SNTA1: variants seen among roughly 807,000 people sequenced by gnomAD.
The protein encoded by SNTA1 is alpha-1-syntrophin.
A neutral mutation model predicts 47.1 loss-of-function variants in SNTA1; 31 were observed. The observed-to-expected ratio is 0.66, with a 90% confidence interval of 0.49 to 0.89. The LOEUF (loss-of-function observed/expected upper bound fraction) is 0.89. SNTA1 is among the 40% of genes least tolerant of loss of function. The pLI is 0.00. For missense variants in SNTA1, 575 were observed against 693.0 expected, an observed-to-expected ratio of 0.83 and a Z score of 1.91; for synonymous variants, 300 against 313.6, an observed-to-expected ratio of 0.96 and a Z score of 0.46.
chr20:33,443,579 C>T lies in SNTA1; in HGVS notation c.42G>A (p.Glu14=), dbSNP rs1419918481. Residue 14 remains glutamate (E), a synonymous_variant, in exon 1 of 8, where the codon GAG becomes GAA. Coordinates refer to ENST00000217381, the MANE Select transcript of SNTA1 (RefSeq NM_003098.3). The part of the protein sequence containing the change: ...GRRAPRTGLL[E]LRAGAGSGAG... Reference sequence around the variant, plus strand: ...CCCCCGAGCCCGCCCCGGCGCGCAGCTCCAGCAGCCCGGTGCGCGGGGCGC... The same window carrying T: ...CCCCCGAGCCCGCCCCGGCGCGCAGTTCCAGCAGCCCGGTGCGCGGGGCGC... 3.1e-6 allele frequency: 4 copies of T among 1,306,558 alleles called. No homozygotes were observed. In the African/African-American group the frequency reaches 6.2e-5, roughly 20 times the overall value. The allele number at this position is 1,306,558 out of a possible 1,614,324, so 80.9% of individuals were successfully genotyped here.
chr20:33,441,710 C>T (rs534165187), intron 1 of SNTA1, among the ~76,000 whole-genome samples: 1 of 152,258 alleles, frequency 6.6e-6, no homozygotes, highest in East Asian at 1.9e-4. Context: ...TAAAAGTACC[C>T]TCCCCTCCAC....
At chr20:33,429,334 TAAAAAAAAAA>T (rs35077145) in intron 2 of SNTA1, among the ~76,000 whole-genome samples, 2 of 25,110 alleles carry the variant, frequency 8.0e-5, no homozygotes, top group East Asian at 1.2e-3. Context: ...AGACTCCACC[TAAAAAAAAAA>T]AAAAAAAAAA....
chr20:33,433,680 G>GCCTGGCCTTCAAGGGCCCAGGCTGGC (rs1990366263), intron 2 of SNTA1, among the ~76,000 whole-genome samples: 1 of 152,184 alleles, frequency 6.6e-6, no homozygotes, highest in Non-Finnish European at 1.5e-5. Context: ...CTTCCCCCAG[G>GCCTGGCCTTCAAGGGCCCAGGCTGGC]CCTGGCCTTC....
At chr20:33,420,263 A>C (rs1989987757) in intron 2 of SNTA1, among the ~76,000 whole-genome samples, 1 of 152,118 alleles carries the variant, frequency 6.6e-6, no homozygotes, top group Non-Finnish European at 1.5e-5. Flanking sequence ...CACATTGAGG[A>C]TGGTGAAGCA....
At chr20:33,437,918 A>G (rs1990481168) in intron 2 of SNTA1, among the ~76,000 whole-genome samples, 1 of 152,260 alleles carries the variant, frequency 6.6e-6, no homozygotes, top group Non-Finnish European at 1.5e-5. Flanking sequence ...CCACACTGTG[A>G]GGGAACAGTG....
intron 2 of SNTA1, among the ~76,000 whole-genome samples, chr20:33,422,877 C>G (rs748983529): frequency 6.6e-6 from 1 of 152,040 alleles, no homozygotes; most frequent in Non-Finnish European, 1.5e-5. Flanking sequence ...GGAGACAGGC[C>G]CAGCTCAGAG....
At position 33,417,694 on chromosome 20, in the gene SNTA1, G is replaced by C. The variant is rs200631817; in HGVS notation, c.701+25C>G. 3 of 1,570,934 alleles carry C rather than the reference G, an allele frequency of 1.9e-6. No homozygotes were observed. In the African/African-American group the frequency reaches 4.0e-5, roughly 21 times the overall value. On this transcript the variant is annotated intron_variant, in intron 3 of 7. Coordinates refer to ENST00000217381, the MANE Select transcript of SNTA1 (RefSeq NM_003098.3). ...CTGACGCCAGGGCATCTGTCCATCT[G>C]AGTTGCTCCCAACCCCAGCCTTACC...
chr20:33,434,701 CTTT>C (rs763355692), intron 2 of SNTA1, among the ~76,000 whole-genome samples: 2 of 145,110 alleles, frequency 1.4e-5, no homozygotes, highest in Non-Finnish European at 3.0e-5. Context: ...CGCTTACACT[CTTT>C]TTTTTTTTTT....
intron 2 of SNTA1, among the ~76,000 whole-genome samples, chr20:33,436,772 C>A (rs527279395): frequency 4.0e-5 from 6 of 151,426 alleles, no homozygotes; most frequent in East Asian, 3.9e-4. Flanking sequence ...ACCAGCCTGG[C>A]CAATATGGTG....
intron 2 of SNTA1, among the ~76,000 whole-genome samples, chr20:33,419,690 A>T (rs923313428): frequency 6.6e-6 from 1 of 152,108 alleles, no homozygotes; most frequent in Admixed American, 6.6e-5. Flanking sequence ...TGCTAAGAGA[A>T]CCCTGAGCCC....
intron 5 of SNTA1, 121 bp from the exon 6 acceptor site, chr20:33,410,452 G>T: frequency 1.5e-6 from 1 of 667,926 alleles, no homozygotes; most frequent in Non-Finnish European, 2.6e-6. Flanking sequence ...AACAGGACAG[G>T]ACTTGCCAGG....
At chr20:33,433,385 C>G (rs1990360434) in intron 2 of SNTA1, among the ~76,000 whole-genome samples, 1 of 151,758 alleles carries the variant, frequency 6.6e-6, no homozygotes, top group South Asian at 2.1e-4. Flanking sequence ...CTACCTCAGC[C>G]TCCCGAGTAG....
intron 5 of SNTA1, among the ~76,000 whole-genome samples, chr20:33,411,135 T>A (rs1568747399): frequency 1.3e-5 from 2 of 151,852 alleles, no homozygotes; most frequent in African/African-American, 2.4e-5. Flanking sequence ...TGTTCCTCCC[T>A]CCACCCACTC....
intron 2 of SNTA1, among the ~76,000 whole-genome samples, chr20:33,430,568 ACCCAG>A (rs1990281187): frequency 6.6e-6 from 1 of 151,356 alleles, no homozygotes; most frequent in South Asian, 2.1e-4. Context: ...GAGCCACCGC[ACCCAG>A]CCATAGTATC....
chr20:33,432,868 A>G (rs2146798764), intron 2 of SNTA1, among the ~76,000 whole-genome samples: 1 of 152,282 alleles, frequency 6.6e-6, no homozygotes, highest in South Asian at 2.1e-4. Flanking sequence ...TAAATAAATA[A>G]AAGCCTGATC....
chr20:33,443,247 G>GT, intron 1 of SNTA1, 64 bp downstream of exon 1: 1 of 1,309,446 alleles, frequency 7.6e-7, no homozygotes, highest in Non-Finnish European at 1.0e-6. Context: ...CGCGCTGCCA[G>GT]CCCCCTGCGC....
intron 2 of SNTA1, among the ~76,000 whole-genome samples, chr20:33,429,273 G>A (rs1267431513): frequency 7.0e-6 from 1 of 143,458 alleles, no homozygotes; most frequent in Non-Finnish European, 1.5e-5. Flanking sequence ...GGAGGTGGAG[G>A]TTTGATTGAG....
At chr20:33,410,926 T>G (rs1009323875) in intron 5 of SNTA1, among the ~76,000 whole-genome samples, 2 of 152,166 alleles carry the variant, frequency 1.3e-5, no homozygotes, top group African/African-American at 4.8e-5. Flanking sequence ...TTGAATCACT[T>G]GATTAGGCAG....
In SNTA1 at chr20:33,438,946, C is replaced by A; in HGVS notation, c.391G>T (p.Val131Leu). 1 of 1,614,116 alleles carries A rather than the reference C, an allele frequency of 6.2e-7. No individual in the cohort carries two copies. Among genetic ancestry groups the A allele is most frequent in the Non-Finnish European group, 8.5e-7 (1 of 1,179,968 alleles). The part of the protein sequence containing the change: ...LAADQTEALF[V>L]GDAILSVNGE... ...TTCACAGACAGGATGGCATCCCCCACAAAAAGGGCCTCTGTCTGGTCAGCT... is the reference window on the plus strand; with the variant it reads ...TTCACAGACAGGATGGCATCCCCCAAAAAAAGGGCCTCTGTCTGGTCAGCT... Residue 131 changes from valine (V) to leucine (L), a missense_variant, in exon 2 of 8, where the codon GTG becomes TTG. Physicochemically the swap from Val to Leu is conservative, Grantham distance 32. Coordinates refer to ENST00000217381, the MANE Select transcript of SNTA1 (RefSeq NM_003098.3).
Sources: gnomAD v4.1 joint callset for allele counts (sites outside exome capture counted in the v4.1 genomes callset) on GRCh38, gnomAD v4.1.1 for gene constraint, MANE v1.5 for transcripts, NCBI Gene and HGNC (gene_info 2026-07-23, HGNC 2026-07-21) for gene names.